The following DNER variants were observed in gnomAD, a reference collection of about 807,000 sequenced individuals.
DNER encodes the protein delta/notch like EGF repeat containing, also known as delta and Notch-like epidermal growth factor-related receptor.
Under a neutral mutation model 78.2 loss-of-function variants are expected in DNER, and 33 were observed. The ratio of observed to expected loss-of-function variants is 0.42; its 90% CI spans 0.32 to 0.56. The LOEUF (loss-of-function observed/expected upper bound fraction) is 0.56. DNER is among the 20% of genes least tolerant of loss of function. The probability of loss-of-function intolerance (pLI) is 0.11; values close to 1 mark genes in which losing one functional copy is unlikely to be tolerated. For synonymous variants in DNER, 417 were observed against 384.8 expected (o/e 1.08, Z -0.98); for missense variants, 918 against 975.3 (o/e 0.94, Z 0.78).
intron 1 of DNER, among the ~76,000 whole-genome samples, chr2:229,676,530 G>A (rs1482746461): frequency 6.6e-6 from 1 of 152,194 alleles, no homozygotes; most frequent in Non-Finnish European, 1.5e-5. Flanking sequence ...AGGTTCACCT[G>A]CTGCTGTGGT....
At chr2:229,660,577 G>A (rs1055330396) in intron 1 of DNER, among the ~76,000 whole-genome samples, 3 of 152,096 alleles carry the variant, frequency 2.0e-5, no homozygotes, top group Admixed American at 6.6e-5. Flanking sequence ...CCCCAGCCTG[G>A]TGGAGAAATG....
chr2:229,501,744 C>G (rs1695627961), intron 6 of DNER, among the ~76,000 whole-genome samples: 1 of 152,100 alleles, frequency 6.6e-6, no homozygotes, highest in Non-Finnish European at 1.5e-5. Context: ...AAGGCACACT[C>G]CCCTCTGTTT....
chr2:229,667,151 T>C (rs1699106021), intron 1 of DNER, among the ~76,000 whole-genome samples: 1 of 152,172 alleles, frequency 6.6e-6, no homozygotes, highest in Non-Finnish European at 1.5e-5. Flanking sequence ...TATCCAAACA[T>C]CCGCCTCTGT....
rs1213037386 is a variant in DNER, at chr2:229,572,948, G to A, written c.847+12910C>T. On this transcript the variant is annotated intron_variant, in intron 4 of 12. Coordinates refer to ENST00000341772, the MANE Select transcript of DNER (RefSeq NM_139072.4). ...GGAGGCTAAAATCTCTTAAAGTCAGGGATTGGGACCTGGTATTTCTTTGTA... is the reference window on the plus strand; with the variant it reads ...GGAGGCTAAAATCTCTTAAAGTCAGAGATTGGGACCTGGTATTTCTTTGTA... 2.0e-5 allele frequency among the ~76,000 whole-genome samples: 3 copies of A among 152,120 alleles called. No homozygotes were observed. The East Asian group carries it at 5.8e-4, about 29-fold the overall frequency.
Position 229,392,853 on chromosome 2 carries a change from C to A in DNER, c.1724-4457G>T, listed in dbSNP as rs1693046054. ...AGTCCATTACTTTTTTTAAAAAAGACAATAAAATCCAATCACTCAACAACT... is the reference window on the plus strand; with the variant it reads ...AGTCCATTACTTTTTTTAAAAAAGAAAATAAAATCCAATCACTCAACAACT... On this transcript the variant is annotated intron_variant, in intron 10 of 12. Coordinates refer to ENST00000341772, the MANE Select transcript of DNER (RefSeq NM_139072.4). Among the ~76,000 whole-genome samples, 3 of 152,116 alleles carry A rather than the reference C, an allele frequency of 2.0e-5. No homozygotes were observed. The South Asian group carries it at 6.2e-4, about 32-fold the overall frequency.
chr2:229,496,264 T>C (rs1424870390), intron 6 of DNER, among the ~76,000 whole-genome samples: 1 of 152,234 alleles, frequency 6.6e-6, no homozygotes, highest in East Asian at 1.9e-4. Context: ...TTCATTAAAA[T>C]TTTCTGCTCA....
Position 229,714,343 on chromosome 2 carries a change from C to G in DNER, c.81G>C (p.Gly27=). 8.0e-7 allele frequency: 1 copy of G among 1,249,682 alleles called. No individual in the cohort carries two copies. Among genetic ancestry groups the G allele is most frequent in the South Asian group, 3.2e-5 (1 of 31,136 alleles). 77.4% of individuals were successfully genotyped at this position (1,249,682 alleles called of 1,614,324 possible). A position where few individuals can be genotyped will look rare whatever the true frequency, so the allele number is the denominator to read the frequency against. ...LALLLLLLGA[G]PRGSSLANPV... ...GGTTGGCCAGGGAGCTGCCTCGGGG[C>G]CCCGCTCCGAGCAGCAGCAGCAGCA... Residue 27 remains glycine, a synonymous_variant, in exon 1 of 13, where the codon GGG becomes GGC. Coordinates refer to ENST00000341772, the MANE Select transcript of DNER (RefSeq NM_139072.4).
intron 7 of DNER, among the ~76,000 whole-genome samples, chr2:229,474,837 T>C (rs1694998592): frequency 6.6e-6 from 1 of 152,176 alleles, no homozygotes; most frequent in South Asian, 2.1e-4. Flanking sequence ...TTTCCAAAGT[T>C]CTTCCAAATC....
rs537959427 is a variant in DNER at position 229,411,962 on chromosome 2, CTCTTT to C, written c.1610-4622_1610-4618del. ...AAAAACATGAGTAATTATGAATTTT[CTCTTT>C]TCTTCTAAATATTTATTATTGTTAT... On this transcript the variant is annotated intron_variant, in intron 9 of 12. Coordinates refer to ENST00000341772, the MANE Select transcript of DNER (RefSeq NM_139072.4). 3.9e-3 allele frequency among the ~76,000 whole-genome samples: 587 copies of C among 152,144 alleles called. 6 individuals carry two copies. The highest frequency in any genetic ancestry group is 0.013 in the African/African-American group (559 of 41,530).
At chr2:229,463,212 G>C (rs954574142) in intron 7 of DNER, among the ~76,000 whole-genome samples, 1 of 152,078 alleles carries the variant, frequency 6.6e-6, no homozygotes, top group African/African-American at 2.4e-5. Flanking sequence ...GCTATGGGAA[G>C]TGTGCAGTAA....
At position 229,442,642 on chromosome 2, in the gene DNER, T is replaced by C. The variant is rs548677759; in HGVS notation, c.1486+4674A>G. Among the ~76,000 whole-genome samples, 5 of 152,336 alleles carry C rather than the reference T, an allele frequency of 3.3e-5. No homozygotes were observed. In the South Asian group the frequency reaches 1.0e-3, roughly 32 times the overall value. ...CACATGGGCCTTAGTGAGCTAAATG[T>C]CTTCAAACCTTTGCAGGTATATTTA... On this transcript the variant is annotated intron_variant, in intron 8 of 12. Coordinates refer to ENST00000341772, the MANE Select transcript of DNER (RefSeq NM_139072.4).
chr2:229,418,666 T>C (rs1462945555), intron 8 of DNER, among the ~76,000 whole-genome samples: 1 of 151,998 alleles, frequency 6.6e-6, no homozygotes, highest in Non-Finnish European at 1.5e-5. Context: ...GTGCTGGTAA[T>C]CCCAGCACTT....
chr2:229,497,582 A>C (rs1408510781), intron 6 of DNER, among the ~76,000 whole-genome samples: 3 of 152,150 alleles, frequency 2.0e-5, no homozygotes, highest in Admixed American at 2.0e-4. Context: ...GACTTAACTA[A>C]ATAAAAACAG....
intron 1 of DNER, among the ~76,000 whole-genome samples, chr2:229,644,130 C>T (rs578138994): frequency 6.6e-6 from 1 of 152,196 alleles, no homozygotes; most frequent in South Asian, 2.1e-4. Context: ...TGGATCACTA[C>T]ACTTTTATTA....
chr2:229,684,169 AGTGTGT>A lies in DNER; in HGVS notation c.276+29973_276+29978del, dbSNP rs59016911. 5.6e-3 allele frequency among the ~76,000 whole-genome samples: 526 copies of A among 94,596 alleles called. 3 individuals carry two copies. Among genetic ancestry groups the A allele is most frequent in the African/African-American group, 0.011 (255 of 22,250 alleles). The allele number at this position is 94,596 out of a possible 152,430, so 62.1% of individuals were successfully genotyped here. On this transcript the variant is annotated intron_variant, in intron 1 of 12. Transcript: ENST00000341772. Reference sequence around the variant, plus strand: ...GTGAGAGAGAGAGAGAGAGAGAGAGAGTGTGTGTGTGTGTGTGTGTGTGTGTGTGTG... The same window carrying A: ...GTGAGAGAGAGAGAGAGAGAGAGAGAGTGTGTGTGTGTGTGTGTGTGTGTG...
At chr2:229,466,862 A>C (rs1463118400) in intron 7 of DNER, among the ~76,000 whole-genome samples, 1 of 152,300 alleles carries the variant, frequency 6.6e-6, no homozygotes, top group South Asian at 2.1e-4. Context: ...TGGTTTTCTA[A>C]AAAGGGCATT....
chr2:229,687,200 C>T (rs1299697095), intron 1 of DNER, among the ~76,000 whole-genome samples: 5 of 151,696 alleles, frequency 3.3e-5, no homozygotes, highest in Non-Finnish European at 7.4e-5. Context: ...AGGTGTTTTC[C>T]CATTTTGGAC....
chr2:229,594,952 TAAAAAAAAAAAAAAAAAA>T lies in DNER; in HGVS notation c.277-3082_277-3065del, dbSNP rs200824543. ...CCAGGTCTCGGTATAAAATGCTGTT[TAAAAAAAAAAAAAAAAAA>T]AAAAAAAAAAAAAAAAAACTCTAAA... On this transcript the variant is annotated intron_variant, in intron 1 of 12. Transcript: ENST00000341772. Among the ~76,000 whole-genome samples, 241 of 102,692 alleles carry T rather than the reference TAAAAAAAAAAAAAAAAAA, an allele frequency of 2.3e-3. 5 individuals are homozygous for T. The highest frequency in any genetic ancestry group is 7.1e-3 in the African/African-American group (212 of 29,804). The allele number at this position is 102,692 out of a possible 152,430, so 67.4% of individuals were successfully genotyped here. A position where few individuals can be genotyped will look rare whatever the true frequency, so the allele number is the denominator to read the frequency against.
chr2:229,699,006 A>G (rs542501162), intron 1 of DNER, among the ~76,000 whole-genome samples: 1 of 152,340 alleles, frequency 6.6e-6, no homozygotes, highest in Admixed American at 6.5e-5. Context: ...TATGGAGAGT[A>G]AAGCATAAGG....
Sources: allele counts gnomAD v4.1 joint callset (sites outside exome capture counted in the v4.1 genomes callset), GRCh38; gene constraint gnomAD v4.1.1; transcripts MANE v1.5; gene names NCBI Gene and HGNC (gene_info 2026-07-23, HGNC 2026-07-21).